Variants in CFAP20DC observed in about 807,000 individuals in gnomAD.
CFAP20DC encodes protein CFAP20DC.
CFAP20DC carries 84 observed loss-of-function variants against 101.7 expected under a neutral mutation model. The ratio of observed to expected loss-of-function variants is 0.83; its 90% CI spans 0.69 to 0.99. CFAP20DC has a LOEUF of 0.99. CFAP20DC is among the 50% of genes least tolerant of loss of function. The probability of loss-of-function intolerance (pLI) is 0.00; values close to 1 mark genes in which losing one functional copy is unlikely to be tolerated. For synonymous variants in CFAP20DC, 359 were observed against 351.2 expected, an observed-to-expected ratio of 1.02 and a Z score of -0.25; for missense variants, 1,007 against 970.3, an observed-to-expected ratio of 1.04 and a Z score of -0.50.
rs548640141 is a variant in CFAP20DC, at chr3:59,002,657, T to C, written c.278+36900A>G. On this transcript the variant is annotated intron_variant, in intron 4 of 16. Transcript: ENST00000482387. The surrounding 1 kb of genome is among the most constrained non-coding windows in gnomAD (Gnocchi z 4.5). ...TGATATGTCTGGTGTTATCTCCAAG[T>C]GCAGCAAAAGATGCCAAATCAATGT... 6.6e-6 allele frequency among the ~76,000 whole-genome samples: 1 copy of C among 152,334 alleles called. No homozygotes were observed. The highest frequency in any genetic ancestry group is 1.9e-4 in the East Asian group (1 of 5,188).
chr3:58,861,419 T>C lies in CFAP20DC; in HGVS notation c.1593+2139A>G, dbSNP rs940473295. On this transcript the variant is annotated intron_variant, in intron 12 of 16. Transcript: ENST00000482387. This position sits in a 1 kb window ranked among gnomAD's most constrained non-coding sequence, Gnocchi z 4.0. ...GGATGCCTTAATTAACTAAACTGAT[T>C]TTTCTTCAAAGACTATATGTAAATA... The C allele has an allele frequency of 3.4e-5, 29 of 842,120 alleles. No homozygotes were observed. In the Middle Eastern group the frequency reaches 1.8e-3, roughly 53 times the overall value. The allele number at this position is 842,120 out of a possible 1,614,324, so 52.2% of individuals were successfully genotyped here.
At chr3:58,943,883 C>A (rs976327631) in intron 4 of CFAP20DC, among the ~76,000 whole-genome samples, 3 of 151,954 alleles carry the variant, frequency 2.0e-5, no homozygotes, top group Non-Finnish European at 4.4e-5. Flanking sequence ...ATATAAATGA[C>A]CTGATGGAGC....
chr3:58,743,366 C>T (rs1478553014), intron 16 of CFAP20DC, among the ~76,000 whole-genome samples: 1 of 152,078 alleles, frequency 6.6e-6, no homozygotes, highest in African/African-American at 2.4e-5. Flanking sequence ...AAAGTGAGTG[C>T]ATTCTGAGTA....
At chr3:58,836,071 T>G (rs1221155806) in intron 13 of CFAP20DC, among the ~76,000 whole-genome samples, 1 of 152,188 alleles carries the variant, frequency 6.6e-6, no homozygotes, top group Non-Finnish European at 1.5e-5. Flanking sequence ...CGCAGGCCAG[T>G]CCTTCTCTCT....
At chr3:58,752,023 T>C (rs1407801212) in intron 16 of CFAP20DC, among the ~76,000 whole-genome samples, 2 of 152,136 alleles carry the variant, frequency 1.3e-5, no homozygotes, top group Non-Finnish European at 2.9e-5. Context: ...TGATATAAAC[T>C]GGAAACTTGA....
At chr3:58,818,780 A>C (rs1413716507) in intron 14 of CFAP20DC, among the ~76,000 whole-genome samples, 2 of 120,008 alleles carry the variant, frequency 1.7e-5, no homozygotes, top group Non-Finnish European at 3.4e-5. Flanking sequence ...TCAGCTCTGC[A>C]CCAAGCGGAC....
In CFAP20DC at chr3:58,870,121, T is replaced by TC. The variant is rs532543663; in HGVS notation, c.852+51dup. On this transcript the variant is annotated intron_variant, in intron 8 of 16. Coordinates refer to ENST00000482387, the MANE Select transcript of CFAP20DC (RefSeq NM_001394063.1). ...TCCCTCTACAAGGGGAAGACACTCT[T>TC]CCCTTACCAGGTCACTTGTGCTTAG... The TC allele has an allele frequency of 9.1e-4, 1,413 of 1,546,656 alleles. 25 individuals carry two copies. Among genetic ancestry groups the TC allele is most frequent in the Non-Finnish European group, 1.1e-4 (124 of 1,124,988 alleles).
At position 58,795,018 on chromosome 3, in the gene CFAP20DC, G is replaced by C. The variant is rs9811895; in HGVS notation, c.2237+11377C>G. On this transcript the variant is annotated intron_variant, in intron 15 of 16. Coordinates refer to ENST00000482387, the MANE Select transcript of CFAP20DC (RefSeq NM_001394063.1). This position sits in a 1 kb window ranked among gnomAD's most constrained non-coding sequence, Gnocchi z 4.2. ...GCTGTAGCCATTTAACAATAATTAC[G>C]GTCTTCCATTTTTTAGGTTAATGTT... Among the ~76,000 whole-genome samples, 1,503 of 152,022 alleles carry C rather than the reference G, an allele frequency of 9.9e-3. 23 individuals carry two copies. Among genetic ancestry groups the C allele is most frequent in the African/African-American group, 0.035 (1,453 of 41,454 alleles).
chr3:58,813,530 C>A (rs1465539660), intron 14 of CFAP20DC, among the ~76,000 whole-genome samples: 1 of 151,806 alleles, frequency 6.6e-6, no homozygotes, highest in African/African-American at 2.4e-5. Context: ...TAATGTGGCC[C>A]CTGACTGAGG....
At chr3:59,027,705 A>G (rs1268724678) in intron 4 of CFAP20DC, among the ~76,000 whole-genome samples, 2 of 152,192 alleles carry the variant, frequency 1.3e-5, no homozygotes, top group Non-Finnish European at 2.9e-5. Context: ...GGGAAAATGA[A>G]CTTCTATTTC....
chr3:58,804,132 T>C (rs529313743), intron 15 of CFAP20DC, among the ~76,000 whole-genome samples: 2 of 152,308 alleles, frequency 1.3e-5, no homozygotes, highest in South Asian at 4.1e-4. Flanking sequence ...CACAGAATCA[T>C]AAAGTTGGAA....
intron 5 of CFAP20DC, among the ~76,000 whole-genome samples, chr3:58,924,883 A>G (rs2085779365): frequency 6.6e-6 from 1 of 151,952 alleles, no homozygotes; most frequent in South Asian, 2.1e-4. Context: ...TTCTTTTGAG[A>G]AGTGCCTGTT....
chr3:58,896,100 T>C (rs1485152908), intron 6 of CFAP20DC, among the ~76,000 whole-genome samples: 1 of 152,192 alleles, frequency 6.6e-6, no homozygotes, highest in African/African-American at 2.4e-5. Context: ...AGTGACTCAA[T>C]TTCTTCCTGG....
chr3:58,806,241 T>C (rs1480252434), intron 15 of CFAP20DC, among the ~76,000 whole-genome samples, 154 bp downstream of exon 15: 1 of 152,068 alleles, frequency 6.6e-6, no homozygotes, highest in African/African-American at 2.4e-5. Context: ...TATTCTAAAG[T>C]CCAAAGAAGA....
chr3:58,912,746 C>T lies in CFAP20DC; in HGVS notation c.550+962G>A. 2.2e-6 allele frequency: 1 copy of T among 456,288 alleles called. No individual in the cohort carries two copies. The highest frequency in any genetic ancestry group is 4.4e-6 in the Non-Finnish European group (1 of 226,796). The allele number at this position is 456,288 out of a possible 1,614,324, so 28.3% of individuals were successfully genotyped here. A position where few individuals can be genotyped will look rare whatever the true frequency, so the allele number is the denominator to read the frequency against. Reference sequence around the variant, plus strand: ...GAATTCCAGGGAGCTGAGTTACCTGCAGAGTATATTTATAAATCAAATTAT... The same window carrying T: ...GAATTCCAGGGAGCTGAGTTACCTGTAGAGTATATTTATAAATCAAATTAT... On this transcript the variant is annotated intron_variant, in intron 6 of 16. Transcript: ENST00000482387. The surrounding 1 kb of genome is among the most constrained non-coding windows in gnomAD (Gnocchi z 4.4).
chr3:58,862,849 T>A (rs1200490640), intron 12 of CFAP20DC: 76 of 985,144 alleles, frequency 7.7e-5, no homozygotes, highest in Non-Finnish European at 9.0e-5. Context: ...CTGAAGAAAA[T>A]CCACGACTAA....
chr3:58,947,241 T>C (rs991689291), intron 4 of CFAP20DC, among the ~76,000 whole-genome samples: 18 of 152,144 alleles, frequency 1.2e-4, no homozygotes, highest in Non-Finnish European at 2.4e-4. Context: ...AAAAAAGATA[T>C]AAGACCAGCC....
At chr3:58,813,296 T>A (rs1047947921) in intron 14 of CFAP20DC, among the ~76,000 whole-genome samples, 4 of 151,996 alleles carry the variant, frequency 2.6e-5, no homozygotes, top group East Asian at 1.9e-4. Context: ...TGGAACTTGA[T>A]CTTTTTCCTT....
intron 13 of CFAP20DC, among the ~76,000 whole-genome samples, chr3:58,848,715 GATC>G (rs1205781908): frequency 1.3e-5 from 2 of 152,126 alleles, no homozygotes; most frequent in African/African-American, 2.4e-5. Context: ...TCAAAAATAA[GATC>G]ATCATTTATA....
Sources: gnomAD v4.1 joint callset for allele counts (sites outside exome capture counted in the v4.1 genomes callset) on GRCh38, gnomAD v4.1.1 for gene constraint, Gnocchi (gnomAD v3.1) non-coding constraint, MANE v1.5 for transcripts, NCBI Gene and HGNC (gene_info 2026-07-23, HGNC 2026-07-21) for gene names.